The following METTL15 variants were observed in gnomAD, a reference collection of about 807,000 sequenced individuals.
The protein encoded by METTL15 is 12S rRNA N(4)-cytidine methyltransferase METTL15.
In METTL15, 34 loss-of-function variants were observed where a neutral mutation model predicts 38.3. That is an observed-to-expected ratio of 0.89 (90% CI 0.68 to 1.18). The LOEUF (loss-of-function observed/expected upper bound fraction) is 1.18. METTL15 is among the 50% of genes most tolerant of loss of function. The pLI, the probability that METTL15 is intolerant of heterozygous loss-of-function variation, is 0.00. For missense variants in METTL15, 438 were observed against 498.4 expected (o/e 0.88, Z 1.15); for synonymous variants, 162 against 170.9 (o/e 0.95, Z 0.41).
In METTL15 at chr11:28,373,343, G is replaced by A. The variant is rs571920211; in HGVS notation, c.*358+11307G>A. 6.6e-5 allele frequency among the ~76,000 whole-genome samples: 10 copies of A among 152,040 alleles called. No homozygotes were observed. The South Asian group carries it at 2.1e-3, about 32-fold the overall frequency. ...TGGTGTGAGATGGTATCTCATTGTG[G>A]TTTTGATTTGCATTTCTCTGATGGC... is the stretch of plus-strand genomic sequence containing the variant. On this transcript the variant is annotated intron_variant and NMD_transcript_variant, in intron 5 of 7. Transcript: ENST00000532947.
chr11:28,245,148 A>C (rs1030602232), intron 4 of METTL15, among the ~76,000 whole-genome samples: 2 of 152,216 alleles, frequency 1.3e-5, no homozygotes, highest in African/African-American at 4.8e-5. Context: ...TAAAAATTAC[A>C]GACAATGGAG....
chr11:28,374,002 T>A (rs1487057460), intron 5 of METTL15, among the ~76,000 whole-genome samples: 2 of 152,186 alleles, frequency 1.3e-5, no homozygotes, highest in African/African-American at 4.8e-5. Context: ...TTCTGAGGGC[T>A]CTGTTCTGTT....
chr11:28,249,625 C>T (rs2133920118), intron 4 of METTL15, among the ~76,000 whole-genome samples: 1 of 151,938 alleles, frequency 6.6e-6, no homozygotes, highest in East Asian at 1.9e-4. Flanking sequence ...GTTAATGCTT[C>T]TCAGTATGTA....
intron 5 of METTL15, among the ~76,000 whole-genome samples, chr11:28,407,786 C>G (rs1391814651): frequency 6.6e-6 from 1 of 152,092 alleles, no homozygotes; most frequent in Non-Finnish European, 1.5e-5. Context: ...TATCATCTGA[C>G]CCAGCAATCC....
At chr11:28,221,974 C>G (rs1194539953) in intron 4 of METTL15, among the ~76,000 whole-genome samples, 1 of 152,182 alleles carries the variant, frequency 6.6e-6, no homozygotes, top group African/African-American at 2.4e-5. Context: ...CTGGGGGATG[C>G]CTTCCAGTTA....
intron 6 of METTL15, among the ~76,000 whole-genome samples, chr11:28,298,147 AT>A (rs1347959304): frequency 2.6e-5 from 4 of 151,884 alleles, no homozygotes. Context: ...AATATTTCAT[AT>A]TTTCCCCCCT....
intron 4 of METTL15, among the ~76,000 whole-genome samples, chr11:28,280,295 C>T (rs896966876): frequency 6.6e-6 from 1 of 152,180 alleles, no homozygotes; most frequent in Non-Finnish European, 1.5e-5. Context: ...TAGAATATCT[C>T]TATCTGCCTT....
At chr11:28,491,360 T>C (rs899362406) in intron 6 of METTL15, among the ~76,000 whole-genome samples, 15 of 152,056 alleles carry the variant, frequency 9.9e-5, no homozygotes, top group African/African-American at 3.1e-4. Flanking sequence ...AGGGACAGGG[T>C]AGGAGCTTGA....
At chr11:28,418,172 C>T (rs1040863355) in intron 5 of METTL15, among the ~76,000 whole-genome samples, 2 of 152,240 alleles carry the variant, frequency 1.3e-5, no homozygotes, top group South Asian at 2.1e-4. Context: ...GTGTATGTCT[C>T]TCTGATGACC....
intron 4 of METTL15, among the ~76,000 whole-genome samples, chr11:28,353,871 G>A (rs1478935539): frequency 2.0e-5 from 3 of 149,018 alleles, no homozygotes; most frequent in Non-Finnish European, 4.4e-5. Flanking sequence ...CTTGCAGTGA[G>A]CCGAGATTGC....
At chr11:28,219,794 A>T (rs966292457) in intron 4 of METTL15, among the ~76,000 whole-genome samples, 3 of 152,140 alleles carry the variant, frequency 2.0e-5, no homozygotes, top group Non-Finnish European at 4.4e-5. Flanking sequence ...GAACATCTTT[A>T]TTTCTGCCTT....
intron 3 of METTL15, among the ~76,000 whole-genome samples, chr11:28,117,255 GTGTGTATATATATATATATA>G (rs1490490676): frequency 5.1e-5 from 3 of 58,462 alleles, no homozygotes; most frequent in Non-Finnish European, 8.0e-5. Flanking sequence ...GTGTGTGTGT[GTGTGTATATATATATATATA>G]TATATATATA....
intron 6 of METTL15, among the ~76,000 whole-genome samples, chr11:28,478,070 C>A (rs999862054): frequency 4.6e-5 from 7 of 152,100 alleles, no homozygotes; most frequent in Admixed American, 1.3e-4. Flanking sequence ...CTCTCTTATA[C>A]CCCAGCTATA....
intron 5 of METTL15, among the ~76,000 whole-genome samples, chr11:28,396,675 T>C (rs1396199253): frequency 6.6e-6 from 1 of 152,104 alleles, no homozygotes; most frequent in Non-Finnish European, 1.5e-5. Flanking sequence ...CCAAGGTAAT[T>C]TATAGATTCA....
At chr11:28,523,681 G>A (rs1851785970) in intron 6 of METTL15, among the ~76,000 whole-genome samples, 1 of 152,130 alleles carries the variant, frequency 6.6e-6, no homozygotes, top group East Asian at 1.9e-4. Context: ...TTTAAATTAG[G>A]TGACATTGAC....
At chr11:28,368,813 C>G (rs945534973) in intron 5 of METTL15, among the ~76,000 whole-genome samples, 5 of 152,098 alleles carry the variant, frequency 3.3e-5, no homozygotes, top group Admixed American at 3.3e-4. Context: ...CCATGGAATA[C>G]TATGCAGCCA....
intron 6 of METTL15, among the ~76,000 whole-genome samples, chr11:28,464,169 A>G (rs1270950766): frequency 1.3e-5 from 2 of 152,172 alleles, no homozygotes; most frequent in Non-Finnish European, 2.9e-5. Context: ...TAGTTCATGT[A>G]ACACTATCAT....
chr11:28,383,136 G>A (rs1199392451), intron 5 of METTL15, among the ~76,000 whole-genome samples: 4 of 151,996 alleles, frequency 2.6e-5, no homozygotes, highest in Non-Finnish European at 5.9e-5. Context: ...CTCTCAGGTA[G>A]GCCCCAGTAT....
Position 28,389,125 on chromosome 11 carries a change from A to G in METTL15, c.*358+27089A>G, listed in dbSNP as rs187447414. Among the ~76,000 whole-genome samples the G allele has an allele frequency of 1.7e-3, 266 of 152,198 alleles. 4 individuals are homozygous for G. The East Asian group carries it at 0.044, about 25-fold the overall frequency. ...GTTCCAAGTCTTTGCTATTGTGAATAGTGCCTCAATAAACATACGTGTGCA... is the reference window on the plus strand; with the variant it reads ...GTTCCAAGTCTTTGCTATTGTGAATGGTGCCTCAATAAACATACGTGTGCA... On this transcript the variant is annotated intron_variant and NMD_transcript_variant, in intron 5 of 7. Transcript: ENST00000532947.
Sources: allele counts gnomAD v4.1 joint callset (sites outside exome capture counted in the v4.1 genomes callset), GRCh38; gene constraint gnomAD v4.1.1; transcripts MANE v1.5; gene names NCBI Gene and HGNC (gene_info 2026-07-23, HGNC 2026-07-21).